The following KALRN variants were observed in gnomAD, a reference collection of about 807,000 sequenced individuals.
KALRN encodes kalirin.
Under a neutral mutation model 353.7 loss-of-function variants are expected in KALRN, and 70 were observed. That is an observed-to-expected ratio of 0.20 (90% CI 0.16 to 0.24). The LOEUF (loss-of-function observed/expected upper bound fraction) is 0.24, where lower values mean the gene tolerates loss of function less well. Ranked by LOEUF, KALRN falls within the 10% of genes least tolerant of loss-of-function variation. The probability of loss-of-function intolerance (pLI) is 1.00; values close to 1 mark genes in which losing one functional copy is unlikely to be tolerated. For missense variants in KALRN, 2,791 were observed against 3,756.7 expected, an observed-to-expected ratio of 0.74 and a Z score of 6.72; for synonymous variants, 1,391 against 1,434.8, an observed-to-expected ratio of 0.97 and a Z score of 0.69.
At chr3:124,470,914 A>T (rs1243491550) in intron 25 of KALRN, among the ~76,000 whole-genome samples, 1 of 152,224 alleles carries the variant, frequency 6.6e-6, no homozygotes, top group African/African-American at 2.4e-5. Context: ...CTTCAGCAAA[A>T]AAAACCACCT....
chr3:124,111,519 G>A (rs2062971266), intron 1 of KALRN, among the ~76,000 whole-genome samples: 1 of 152,196 alleles, frequency 6.6e-6, no homozygotes, highest in East Asian at 1.9e-4. Context: ...ATGTGGGTCT[G>A]TAAGCAAGGA....
chr3:124,633,890 G>A lies in KALRN; in HGVS notation c.5505G>A (p.Glu1835=). The A allele has an allele frequency of 1.2e-6, 2 of 1,614,060 alleles. No homozygotes were observed. Among genetic ancestry groups the A allele is most frequent in the Non-Finnish European group, 1.7e-6 (2 of 1,179,998 alleles). ...GGGGTGAAGATGAGCCGGATGAAGA[G>A]TCACACACACCCCTCCCACCACCTA... is the stretch of plus-strand genomic sequence containing the variant. ...KGWGEDEPDE[E]SHTPLPPPMK... Residue 1835 remains glutamate (E), a synonymous_variant, in exon 36 of 60, where the codon GAG becomes GAA. Transcript: ENST00000682506.
chr3:124,084,718 G>A (rs1420954051), intron 1 of KALRN, among the ~76,000 whole-genome samples: 1 of 152,100 alleles, frequency 6.6e-6, no homozygotes, highest in Non-Finnish European at 1.5e-5. Flanking sequence ...TTTGGTTATG[G>A]GAATATGAGT....
intron 34 of KALRN, among the ~76,000 whole-genome samples, chr3:124,600,652 T>C (rs1449542793): frequency 6.6e-6 from 1 of 152,206 alleles, no homozygotes; most frequent in Non-Finnish European, 1.5e-5. Flanking sequence ...TATATATATA[T>C]ATGTGATATC....
At chr3:124,443,380 G>A (rs893640493) in intron 19 of KALRN, among the ~76,000 whole-genome samples, 1 of 152,144 alleles carries the variant, frequency 6.6e-6, no homozygotes, top group Non-Finnish European at 1.5e-5. Context: ...CCATGGACAG[G>A]GTAGGGTGCG....
At position 124,549,659 on chromosome 3, in the gene KALRN, G is replaced by A. The variant is rs1009830118; in HGVS notation, c.4936-13184G>A. Among the ~76,000 whole-genome samples the A allele has an allele frequency of 5.3e-5, 8 of 152,058 alleles. No individual in the cohort carries two copies. In the East Asian group the frequency reaches 1.5e-3, roughly 29 times the overall value. On this transcript the variant is annotated intron_variant, in intron 33 of 59. Transcript: ENST00000682506. ...CCATCCAAAATATGTCCTTCTCACCGCTTCAGTGTTAAAATGTGTAAGATG... is the reference window on the plus strand; with the variant it reads ...CCATCCAAAATATGTCCTTCTCACCACTTCAGTGTTAAAATGTGTAAGATG...
chr3:124,220,402 ATGTG>A (rs767328491), intron 1 of KALRN, among the ~76,000 whole-genome samples: 2 of 149,110 alleles, frequency 1.3e-5, no homozygotes, highest in Admixed American at 6.7e-5. Flanking sequence ...GTGTGTGTGT[ATGTG>A]TGTGTGTGTG....
At chr3:124,152,236 A>C in intron 1 of KALRN, 1 of 1,574,870 alleles carries the variant, frequency 6.3e-7, no homozygotes, top group Non-Finnish European at 8.6e-7. Context: ...CTTGTAGATT[A>C]GTTCATTTAC....
At chr3:124,186,223 G>A (rs904172391) in intron 1 of KALRN, among the ~76,000 whole-genome samples, 2 of 152,164 alleles carry the variant, frequency 1.3e-5, no homozygotes, top group Admixed American at 6.5e-5. Context: ...AGAAGGGGCC[G>A]CCCTTGAGGA....
At chr3:124,674,815 G>C in intron 49 of KALRN, 1 of 446,968 alleles carries the variant, frequency 2.2e-6, no homozygotes. Context: ...TTTTTTAGTT[G>C]GTGGTGGCGA....
At chr3:124,574,040 A>G (rs1275238680) in intron 34 of KALRN, among the ~76,000 whole-genome samples, 1 of 152,170 alleles carries the variant, frequency 6.6e-6, no homozygotes, top group Non-Finnish European at 1.5e-5. Context: ...TGTTGGGTGT[A>G]TATGAGGGGA....
chr3:124,582,999 G>A (rs1452026546), intron 34 of KALRN, among the ~76,000 whole-genome samples: 3 of 152,108 alleles, frequency 2.0e-5, no homozygotes, highest in African/African-American at 7.2e-5. Context: ...CATCGTTCAG[G>A]CTGGTCTTGA....
intron 10 of KALRN, among the ~76,000 whole-genome samples, chr3:124,360,654 A>G (rs2083931229): frequency 3.9e-5 from 6 of 152,238 alleles, no homozygotes; most frequent in Admixed American, 3.9e-4. Context: ...TCTGCCCAGT[A>G]TTGATTCTGA....
At chr3:124,493,817 C>T (rs2063423941) in intron 32 of KALRN, among the ~76,000 whole-genome samples, 1 of 152,196 alleles carries the variant, frequency 6.6e-6, no homozygotes, top group African/African-American at 2.4e-5. Context: ...GCGGAAGCCC[C>T]AAGACCTGCA....
chr3:124,234,973 A>T (rs1262828461), intron 3 of KALRN, 30 bp downstream of exon 3: 2 of 1,521,308 alleles, frequency 1.3e-6, no homozygotes, highest in Non-Finnish European at 1.8e-6. Flanking sequence ...CCTGCAGGGG[A>T]GCGGGAGGGG....
chr3:124,044,751 C>T (rs999439497), intron 1 of KALRN, among the ~76,000 whole-genome samples: 28 of 151,562 alleles, frequency 1.8e-4, no homozygotes, highest in African/African-American at 5.8e-4. Context: ...ATTACATGTA[C>T]GACATATTAT....
intron 1 of KALRN, among the ~76,000 whole-genome samples, chr3:124,069,370 G>T (rs2042661716): frequency 6.9e-6 from 1 of 145,282 alleles, no homozygotes; most frequent in Non-Finnish European, 1.5e-5. Context: ...AGGAGGAGGA[G>T]GAAATACTGA....
At chr3:124,156,244 G>T (rs2068974822) in intron 1 of KALRN, among the ~76,000 whole-genome samples, 1 of 152,212 alleles carries the variant, frequency 6.6e-6, no homozygotes, top group Non-Finnish European at 1.5e-5. Context: ...AGTCTTGGCT[G>T]CCATAAATGA....
intron 58 of KALRN, among the ~76,000 whole-genome samples, chr3:124,713,670 T>A (rs1441964097): frequency 6.6e-6 from 1 of 152,132 alleles, no homozygotes; most frequent in Non-Finnish European, 1.5e-5. Context: ...AATAAAGCAA[T>A]AATGTCCCTT....
Sources: gnomAD v4.1 joint callset for allele counts (sites outside exome capture counted in the v4.1 genomes callset) on GRCh38, gnomAD v4.1.1 for gene constraint, MANE v1.5 for transcripts, NCBI Gene and HGNC (gene_info 2026-07-23, HGNC 2026-07-21) for gene names.